SH3RF3: variants seen among roughly 807,000 people sequenced by gnomAD.
SH3RF3 encodes the protein SH3 domain containing ring finger 3.
Under a neutral mutation model 66.3 loss-of-function variants are expected in SH3RF3, and 29 were observed. That is an observed-to-expected ratio of 0.44 (90% CI 0.33 to 0.60). The LOEUF (loss-of-function observed/expected upper bound fraction) is 0.60, where lower values mean the gene tolerates loss of function less well. SH3RF3 is among the 20% of genes least tolerant of loss of function. The pLI is 0.04. For synonymous variants in SH3RF3, 583 were observed against 532.0 expected (o/e 1.10, Z -1.32); for missense variants, 1,194 against 1,190.9 (o/e 1.00, Z -0.04).
At chr2:109,355,765 G>A (rs1285207328) in intron 2 of SH3RF3, among the ~76,000 whole-genome samples, 1 of 152,224 alleles carries the variant, frequency 6.6e-6, no homozygotes, top group Non-Finnish European at 1.5e-5. Flanking sequence ...ATGCCATGCG[G>A]ATCAGTCTTG....
intron 1 of SH3RF3, among the ~76,000 whole-genome samples, chr2:109,177,023 T>G (rs1677931928): frequency 6.6e-6 from 1 of 152,140 alleles, no homozygotes; most frequent in African/African-American, 2.4e-5. Flanking sequence ...TTCCCCAGCT[T>G]TGTCAGCCAC....
At chr2:109,427,248 C>T (rs1396481498) in intron 5 of SH3RF3, among the ~76,000 whole-genome samples, 2 of 152,078 alleles carry the variant, frequency 1.3e-5, no homozygotes, top group Non-Finnish European at 2.9e-5. Context: ...GGATTACAGG[C>T]GTGAGTCACC....
At position 109,498,937 on chromosome 2, in the gene SH3RF3, C is replaced by T. The variant is rs192109540; in HGVS notation, c.2481-2566C>T. 9.2e-5 allele frequency among the ~76,000 whole-genome samples: 14 copies of T among 152,264 alleles called. 1 individual carries two copies. The East Asian group carries it at 1.4e-3, about 15-fold the overall frequency. On this transcript the variant is annotated intron_variant, in intron 9 of 9. Transcript: ENST00000309415. ...GTGGGTGCACCTGGGGTCGCTAGGG[C>T]GCGGCAGGGCAGAGCTGGTGGAGTG...
rs192345218 is a variant in SH3RF3, at chr2:109,245,879, G to C, written c.574-101795G>C. Among the ~76,000 whole-genome samples, 162 of 152,264 alleles carry C rather than the reference G, an allele frequency of 1.1e-3. 1 individual carries two copies. The highest frequency in any genetic ancestry group is 5.9e-5 in the Non-Finnish European group (4 of 68,034). ...TAGAGTACTTAACACTTGAAATCTAGAGTACTTAACACAATCCCGGGCATC... is the reference window on the plus strand; with the variant it reads ...TAGAGTACTTAACACTTGAAATCTACAGTACTTAACACAATCCCGGGCATC... On this transcript the variant is annotated intron_variant, in intron 1 of 9. Coordinates refer to ENST00000309415, the MANE Select transcript of SH3RF3 (RefSeq NM_001099289.3).
rs146450570 is a variant in SH3RF3 at position 109,235,296 on chromosome 2, C to A, written c.573+105183C>A. The stretch of plus-strand genomic sequence containing the variant: ...CAAGAATTCTCACTGCAAGGTCTTT[C>A]TTCTCCCCTCCCCCTTCCTACCTCC... On this transcript the variant is annotated intron_variant, in intron 1 of 9. Transcript: ENST00000309415. Among the ~76,000 whole-genome samples, 1,121 of 152,322 alleles carry A rather than the reference C, an allele frequency of 7.4e-3. 10 individuals are homozygous for A. Among genetic ancestry groups the A allele is most frequent in the South Asian group, 0.023 (112 of 4,820 alleles).
chr2:109,422,210 A>C (rs1394249839), intron 5 of SH3RF3, among the ~76,000 whole-genome samples: 1 of 152,188 alleles, frequency 6.6e-6, no homozygotes. Flanking sequence ...ACAACAGTGC[A>C]CTGCTGCCCA....
intron 1 of SH3RF3, among the ~76,000 whole-genome samples, chr2:109,220,442 G>A (rs555150656): frequency 2.0e-5 from 3 of 152,226 alleles, no homozygotes; most frequent in South Asian, 4.2e-4. Flanking sequence ...TCATCAAAAC[G>A]CAAAAGTTTT....
intron 8 of SH3RF3, among the ~76,000 whole-genome samples, chr2:109,473,802 G>T (rs746607710): frequency 7.1e-6 from 1 of 141,246 alleles, no homozygotes; most frequent in African/African-American, 2.6e-5. Context: ...AGCCCCCCGT[G>T]CACAGCCAGC....
chr2:109,495,555 C>T (rs1488831866), intron 9 of SH3RF3, among the ~76,000 whole-genome samples: 2 of 127,836 alleles, frequency 1.6e-5, no homozygotes, highest in Non-Finnish European at 3.1e-5. Context: ...GCGGTGCAAT[C>T]TTGGCCCACT....
intron 1 of SH3RF3, among the ~76,000 whole-genome samples, chr2:109,238,239 T>A (rs1375470248): frequency 6.6e-6 from 1 of 151,852 alleles, no homozygotes; most frequent in Non-Finnish European, 1.5e-5. Context: ...TTATGAAGAC[T>A]AATTCAATAG....
chr2:109,476,151 C>T (rs564032663), intron 8 of SH3RF3, among the ~76,000 whole-genome samples: 7 of 152,300 alleles, frequency 4.6e-5, no homozygotes, highest in African/African-American at 1.7e-4. Context: ...TGCTTATTAG[C>T]ACAGCAAAGG....
chr2:109,373,720 A>T (rs1359255393), intron 3 of SH3RF3, among the ~76,000 whole-genome samples: 1 of 152,138 alleles, frequency 6.6e-6, no homozygotes, highest in Admixed American at 6.5e-5. Flanking sequence ...AGCTGCACAG[A>T]TTATGCTGCT....
At chr2:109,143,742 A>T (rs1677023366) in intron 1 of SH3RF3, among the ~76,000 whole-genome samples, 1 of 145,102 alleles carries the variant, frequency 6.9e-6, no homozygotes, top group African/African-American at 2.5e-5. Context: ...CAACAGAGTG[A>T]CACCCTGTCT....
At chr2:109,420,295 G>A (rs1223728671) in intron 5 of SH3RF3, among the ~76,000 whole-genome samples, 3 of 152,196 alleles carry the variant, frequency 2.0e-5, no homozygotes, top group East Asian at 1.9e-4. Flanking sequence ...TCACTTGAAT[G>A]ACTGTGTTAG....
chr2:109,488,753 C>T (rs1679047896), intron 8 of SH3RF3, among the ~76,000 whole-genome samples: 1 of 152,240 alleles, frequency 6.6e-6, no homozygotes, highest in Non-Finnish European at 1.5e-5. Context: ...TGAAGGGCTG[C>T]AACGAAATCC....
chr2:109,270,557 G>A (rs1376205050), intron 1 of SH3RF3, among the ~76,000 whole-genome samples: 3 of 152,150 alleles, frequency 2.0e-5, no homozygotes, highest in Non-Finnish European at 2.9e-5. Context: ...GTGACAGCCC[G>A]GGGCAGTGTG....
chr2:109,371,635 G>C lies in SH3RF3; in HGVS notation c.899G>C (p.Gly300Ala). The change falls in exon 3 of 10, where the codon GGC (glycine) becomes GCC (alanine). Residue 300 changes from glycine to alanine, a missense_variant. Transcript: ENST00000309415. ...AGAGTGGATGAGAACTGGGCGGAAG[G>C]CATGCTGGGAGACAAGATCGGGATC... is the stretch of plus-strand genomic sequence containing the variant. ...LRRVDENWAE[G>A]MLGDKIGIFP... 1 of 1,614,056 alleles carries C rather than the reference G, an allele frequency of 6.2e-7. No individual in the cohort carries two copies. Among genetic ancestry groups the C allele is most frequent in the East Asian group, 2.2e-5 (1 of 44,878 alleles).
intron 8 of SH3RF3, among the ~76,000 whole-genome samples, chr2:109,453,612 C>T (rs990495232): frequency 6.6e-6 from 1 of 152,194 alleles, no homozygotes; most frequent in African/African-American, 2.4e-5. Flanking sequence ...TGCCCCAATC[C>T]CTGACTCATC....
chr2:109,419,872 T>C (rs189907511), intron 5 of SH3RF3, among the ~76,000 whole-genome samples: 226 of 152,376 alleles, frequency 1.5e-3, no homozygotes, highest in African/African-American at 4.4e-3. Context: ...AGGGAGGATA[T>C]TCAGAGTATT....
Sources: allele counts gnomAD v4.1 joint callset (sites outside exome capture counted in the v4.1 genomes callset), GRCh38; gene constraint gnomAD v4.1.1; transcripts MANE v1.5; gene names NCBI Gene and HGNC (gene_info 2026-07-23, HGNC 2026-07-21).